KCNT1: variants seen among roughly 807,000 people sequenced by gnomAD.
KCNT1 encodes potassium channel subfamily T member 1.
A neutral mutation model predicts 147.8 loss-of-function variants in KCNT1; 78 were observed. The ratio of observed to expected loss-of-function variants is 0.53; its 90% CI spans 0.44 to 0.64. The LOEUF (loss-of-function observed/expected upper bound fraction) is 0.64, where lower values mean the gene tolerates loss of function less well. KCNT1 is among the 30% of genes least tolerant of loss of function. The pLI is 0.00. For synonymous variants in KCNT1, 867 were observed against 748.8 expected (o/e 1.16, Z -2.58); for missense variants, 1,419 against 1,750.3 (o/e 0.81, Z 3.38).
intron 2 of KCNT1, among the ~76,000 whole-genome samples, chr9:135,745,795 A>G (rs1392375216): frequency 6.6e-6 from 1 of 152,206 alleles, no homozygotes; most frequent in African/African-American, 2.4e-5. Flanking sequence ...GTGTAGCCTC[A>G]CAGGGCTCAC....
intron 1 of KCNT1, among the ~76,000 whole-genome samples, chr9:135,704,725 GGCCCT>G (rs917850637): frequency 2.0e-5 from 3 of 152,226 alleles, no homozygotes; most frequent in Non-Finnish European, 4.4e-5. Flanking sequence ...GATGGGATCA[GGCCCT>G]GGCATCCTGC....
At chr9:135,778,384 T>C (rs1833333425) in intron 21 of KCNT1, 40 bp from the exon 22 acceptor site, 1 of 1,540,440 alleles carries the variant, frequency 6.5e-7, no homozygotes, top group African/African-American at 1.4e-5. Context: ...GGGCAGGCCT[T>C]GAAGCAGGGT....
At chr9:135,774,265 G>A (rs1564376016) in intron 19 of KCNT1, among the ~76,000 whole-genome samples, 1 of 144,810 alleles carries the variant, frequency 6.9e-6, no homozygotes, top group Non-Finnish European at 1.5e-5. Flanking sequence ...TGTGTGTGGT[G>A]TCTGTTGTGT....
chr9:135,753,770 G>C, intron 4 of KCNT1, 167 bp from the exon 5 acceptor site: 1 of 661,182 alleles, frequency 1.5e-6, no homozygotes, highest in South Asian at 1.7e-5. Context: ...TGGGGAGGGG[G>C]CAGGCTGCCT....
intron 29 of KCNT1, 48 bp downstream of exon 29, chr9:135,786,569 G>GGGTCGGGCCAC (rs1366628786): frequency 3.9e-5 from 59 of 1,496,126 alleles, no homozygotes; most frequent in Non-Finnish European, 5.1e-5. Context: ...GACTGGGCCA[G>GGGTCGGGCCAC]GGTCGGGCCA....
intron 15 of KCNT1, 107 bp from the exon 16 acceptor site, chr9:135,769,840 C>T (rs1832622171): frequency 9.2e-6 from 7 of 757,142 alleles, no homozygotes; most frequent in South Asian, 6.8e-5. Flanking sequence ...ACGGGGGTGC[C>T]AGGCAAGGGT....
chr9:135,785,951 C>T, intron 28 of KCNT1: 1 of 560,408 alleles, frequency 1.8e-6, no homozygotes, highest in African/African-American at 1.9e-5. Context: ...ATCCCTTGAC[C>T]AGGCCCGGGC....
intron 4 of KCNT1, among the ~76,000 whole-genome samples, chr9:135,751,347 C>A (rs1324458383): frequency 6.6e-6 from 1 of 151,898 alleles, no homozygotes; most frequent in East Asian, 1.9e-4. Flanking sequence ...TCCCTGCCCC[C>A]ACAAGTGTCT....
In KCNT1 at chr9:135,704,604, G is replaced by T. The variant is rs146040563; in HGVS notation, c.110+2236G>T. Among the ~76,000 whole-genome samples the T allele has an allele frequency of 1.9e-4, 29 of 152,298 alleles. No homozygotes were observed. In the East Asian group the frequency reaches 5.4e-3, roughly 28 times the overall value. On this transcript the variant is annotated intron_variant, in intron 1 of 30. Transcript: ENST00000371757. ...CCTGGTGGCCCCAGAGCTGGCAAGTGCCCACCCCCTGCCCAGCGCACTTCG... is the reference window on the plus strand; with the variant it reads ...CCTGGTGGCCCCAGAGCTGGCAAGTTCCCACCCCCTGCCCAGCGCACTTCG...
Position 135,742,921 on chromosome 9 carries a change from T to A in KCNT1, c.255-7177T>A, listed in dbSNP as rs1047985353. The A allele has an allele frequency of 1.9e-5, 13 of 683,388 alleles. No individual in the cohort carries two copies. The Admixed American group carries it at 2.8e-4, about 15-fold the overall frequency. 42.3% of individuals were successfully genotyped at this position (683,388 alleles called of 1,614,324 possible). The stretch of plus-strand genomic sequence containing the variant: ...CCCTCAACCCAGCATCCCCTGCAGC[T>A]GGGCCAGGGCCACCGGCACCTCCCA... On this transcript the variant is annotated intron_variant, in intron 2 of 30. Transcript: ENST00000371757.
Position 135,720,367 on chromosome 9 carries a change from T to G in KCNT1, c.254+5647T>G, listed in dbSNP as rs139001253. 4.5e-3 allele frequency among the ~76,000 whole-genome samples: 657 copies of G among 146,704 alleles called. 3 individuals carry two copies. Among genetic ancestry groups the G allele is most frequent in the African/African-American group, 0.014 (562 of 39,376 alleles). ...CCGAGCCCTCATCTGTCATCCTTAA[T>G]AGCTGAACAATTTCTCAGCTGGTCG... On this transcript the variant is annotated intron_variant, in intron 2 of 30. Coordinates refer to ENST00000371757, the MANE Select transcript of KCNT1 (RefSeq NM_020822.3).
Position 135,784,830 on chromosome 9 carries a change from A to G in KCNT1, c.3097A>G (p.Ser1033Gly). 6.2e-7 allele frequency: 1 copy of G among 1,612,780 alleles called. No homozygotes were observed. The highest frequency in any genetic ancestry group is 8.5e-7 in the Non-Finnish European group (1 of 1,179,984). ...CCTCTTCCAGAAGCTCTGCTCCTCC[A>G]GCGCCGAGATCCCCATTGGCATCTA... ...GRLFQKLCSS[S>G]AEIPIGIYRT... Residue 1033 changes from serine to glycine, a missense_variant, in exon 27 of 31, where the codon AGC (serine) becomes GGC (glycine). Ser to Gly is a moderately conservative substitution (Grantham distance 56). Around this residue, in one of 5 missense-constraint regions of KCNT1, gnomAD observed 247 missense variants for 397.1 expected, o/e 0.62. Transcript: ENST00000371757.
chr9:135,714,012 G>A lies in KCNT1; in HGVS notation c.111-565G>A, dbSNP rs1835613860. On this transcript the variant is annotated intron_variant, in intron 1 of 30. Transcript: ENST00000371757. This position sits in a 1 kb window ranked among gnomAD's most constrained non-coding sequence, Gnocchi z 6.2. Reference sequence around the variant, plus strand: ...TGACCTGAGCTGAGCTGCTCCGCCTGGGGAGGCTGCAAACAAGGGTGTCTT... The same window carrying A: ...TGACCTGAGCTGAGCTGCTCCGCCTAGGGAGGCTGCAAACAAGGGTGTCTT... Among the ~76,000 whole-genome samples, 1 of 152,136 alleles carries A rather than the reference G, an allele frequency of 6.6e-6. No individual in the cohort carries two copies.
In KCNT1 at chr9:135,731,283, C is replaced by T. The variant is rs183492412; in HGVS notation, c.254+16563C>T. 4.9e-3 allele frequency among the ~76,000 whole-genome samples: 745 copies of T among 152,338 alleles called. 3 individuals are homozygous for T. Among genetic ancestry groups the T allele is most frequent in the Admixed American group, 9.2e-3 (140 of 15,288 alleles). On this transcript the variant is annotated intron_variant, in intron 2 of 30. Transcript: ENST00000371757. ...GGGATGGGTCTTTCAGCGCGGCTCG[C>T]GTTAGAATCTCAGTCGCCTGGCGTG... is the stretch of plus-strand genomic sequence containing the variant.
rs913107639 is a variant in KCNT1, at chr9:135,752,836, ATGGAGGGATGAGTGAATGGG to A, written c.435-1086_435-1067del. Among the ~76,000 whole-genome samples the A allele has an allele frequency of 2.1e-5, 3 of 142,562 alleles. No individual in the cohort carries two copies. Among genetic ancestry groups the A allele is most frequent in the African/African-American group, 5.4e-5 (2 of 37,316 alleles). The allele number at this position is 142,562 out of a possible 152,430, so 93.5% of individuals were successfully genotyped here. On this transcript the variant is annotated intron_variant, in intron 4 of 30. Coordinates refer to ENST00000371757, the MANE Select transcript of KCNT1 (RefSeq NM_020822.3). The surrounding 1 kb of genome is among the most constrained non-coding windows in gnomAD (Gnocchi z 5.1). ...GGATGGGTGGAGGGATGGATGTTGG[ATGGAGGGATGAGTGAATGGG>A]TGGAGGGATGAGTGGATGGATGGAG...
Position 135,775,437 on chromosome 9 carries a change from C to T in KCNT1, c.2349+22C>T, listed in dbSNP as rs370280110. On this transcript the variant is annotated intron_variant, in intron 20 of 30. Transcript: ENST00000371757. ...CAAGGTAAGGCTGGCGGCTCTGCCG[C>T]GCTCTGCACCCCCAGACGCCAGCAC... is the stretch of plus-strand genomic sequence containing the variant. 139 of 1,575,052 alleles carry T rather than the reference C, an allele frequency of 8.8e-5. No homozygotes were observed. The African/African-American group carries it at 9.6e-4, about 11-fold the overall frequency.
intron 7 of KCNT1, 51 bp downstream of exon 7, chr9:135,756,983 C>CCCTCCCCAGCCTCCCCCA: frequency 1.0e-6 from 1 of 976,224 alleles, no homozygotes; most frequent in Admixed American, 2.2e-5. Context: ...ACCCTCCCCA[C>CCCTCCCCAGCCTCCCCCA]CCTCCCCAGC....
intron 29 of KCNT1, among the ~76,000 whole-genome samples, chr9:135,787,696 G>A (rs574649850): frequency 3.1e-4 from 47 of 152,310 alleles, no homozygotes; most frequent in African/African-American, 1.0e-3. Flanking sequence ...CCCCAGCCCT[G>A]TGGGCGCTGG....
chr9:135,785,128 G>A (rs1355299650), intron 27 of KCNT1, among the ~76,000 whole-genome samples, 182 bp from the exon 28 acceptor site: 3 of 152,156 alleles, frequency 2.0e-5, no homozygotes, highest in Admixed American at 1.3e-4. Flanking sequence ...ACCCCTACCG[G>A]GGGCAGAGAG....
Sources: gnomAD v4.1 joint callset for allele counts (sites outside exome capture counted in the v4.1 genomes callset) on GRCh38, gnomAD v4.1.1 for gene constraint, gnomAD v4.1.1 regional missense constraint, Gnocchi (gnomAD v3.1) non-coding constraint, MANE v1.5 for transcripts, NCBI Gene and HGNC (gene_info 2026-07-23, HGNC 2026-07-21) for gene names.